EEPD1: variants seen among roughly 807,000 people sequenced by gnomAD.
The protein encoded by EEPD1 is endonuclease/exonuclease/phosphatase family domain containing 1.
EEPD1 carries 17 observed loss-of-function variants against 46.3 expected under a neutral mutation model. The observed-to-expected ratio is 0.37, with a 90% confidence interval of 0.25 to 0.55. EEPD1 has a LOEUF of 0.55. Among genes scored for constraint, EEPD1 ranks in the 20% least tolerant of loss-of-function variants. EEPD1 has a pLI of 0.83. For synonymous variants in EEPD1, 313 were observed against 315.6 expected, an observed-to-expected ratio of 0.99 and a Z score of 0.09; for missense variants, 673 against 745.6, an observed-to-expected ratio of 0.90 and a Z score of 1.13.
chr7:36,295,729 T>A, intron 6 of EEPD1, among the ~76,000 whole-genome samples: 1 of 152,164 alleles, frequency 6.6e-6, no homozygotes, highest in East Asian at 1.9e-4. Context: ...GGACTCTCTA[T>A]AGTTCTAAGA....
At chr7:36,240,169 T>C (rs1215326031) in intron 3 of EEPD1, among the ~76,000 whole-genome samples, 1 of 152,090 alleles carries the variant, frequency 6.6e-6, no homozygotes, top group Non-Finnish European at 1.5e-5. Flanking sequence ...CGCAGGAGGC[T>C]GAGGCAGGAG....
intron 2 of EEPD1, among the ~76,000 whole-genome samples, chr7:36,192,515 A>T (rs977075499): frequency 3.6e-3 from 3 of 838 alleles, no homozygotes; most frequent in African/African-American, 3.9e-3. Flanking sequence ...CTCTTTCTTT[A>T]AAAAAAAAAA....
intron 6 of EEPD1, among the ~76,000 whole-genome samples, chr7:36,295,774 T>A (rs1366433815): frequency 6.6e-6 from 1 of 152,130 alleles, no homozygotes; most frequent in Non-Finnish European, 1.5e-5. Context: ...CTCACGCCTA[T>A]AATCCCAGCA....
At chr7:36,279,004 C>T (rs1227111139) in intron 3 of EEPD1, among the ~76,000 whole-genome samples, 1 of 152,220 alleles carries the variant, frequency 6.6e-6, no homozygotes, top group Non-Finnish European at 1.5e-5. Flanking sequence ...AACTCAGCAG[C>T]AGAGAACATA....
At chr7:36,165,850 C>A (rs905664602) in intron 2 of EEPD1, among the ~76,000 whole-genome samples, 2 of 152,016 alleles carry the variant, frequency 1.3e-5, no homozygotes, top group Non-Finnish European at 2.9e-5. Context: ...GATACATTGT[C>A]CAATTTCCCC....
At chr7:36,238,855 C>T in intron 2 of EEPD1, 130 bp from the exon 3 acceptor site, 1 of 792,756 alleles carries the variant, frequency 1.3e-6, no homozygotes, top group South Asian at 2.0e-5. Context: ...TAAAAGGTCA[C>T]CTTAAGATGG....
chr7:36,195,269 A>G (rs113505510), intron 2 of EEPD1, among the ~76,000 whole-genome samples: 110 of 152,342 alleles, frequency 7.2e-4, no homozygotes, highest in African/African-American at 2.6e-3. Context: ...CATGGGAGAC[A>G]TGAGGCGACT....
At chr7:36,222,296 A>G (rs1303682537) in intron 2 of EEPD1, among the ~76,000 whole-genome samples, 1 of 152,254 alleles carries the variant, frequency 6.6e-6, no homozygotes, top group Non-Finnish European at 1.5e-5. Context: ...ATCATAAGGA[A>G]GAGAACATAT....
At chr7:36,184,545 C>A (rs1362524241) in intron 2 of EEPD1, among the ~76,000 whole-genome samples, 1 of 152,142 alleles carries the variant, frequency 6.6e-6, no homozygotes, top group Non-Finnish European at 1.5e-5. Context: ...TCTGGAGCAA[C>A]CAATCTCCAT....
At chr7:36,187,000 A>G (rs1484961521) in intron 2 of EEPD1, among the ~76,000 whole-genome samples, 1 of 152,246 alleles carries the variant, frequency 6.6e-6, no homozygotes, top group Non-Finnish European at 1.5e-5. Context: ...CAAAGCCAGC[A>G]GAATTCTGTA....
chr7:36,218,924 G>T (rs1252734846), intron 2 of EEPD1, among the ~76,000 whole-genome samples: 1 of 152,138 alleles, frequency 6.6e-6, no homozygotes, highest in African/African-American at 2.4e-5. Flanking sequence ...GTTAATAAAA[G>T]CTTAAGGCTG....
In EEPD1 at chr7:36,193,144, G is replaced by C. The variant is rs1785488187; in HGVS notation, c.878+37942G>C. 6.6e-6 allele frequency among the ~76,000 whole-genome samples: 1 copy of C among 152,214 alleles called. No individual in the cohort carries two copies. Among genetic ancestry groups the C allele is most frequent in the South Asian group, 2.1e-4 (1 of 4,832 alleles). On this transcript the variant is annotated intron_variant, in intron 2 of 7. Transcript: ENST00000242108. The surrounding 1 kb of genome is among the most constrained non-coding windows in gnomAD (Gnocchi z 4.9). ...CACAGAGCAGTGCGTCATGATGGGG[G>C]CACAGGATTCCGTGGACATTGGCAG...
intron 2 of EEPD1, among the ~76,000 whole-genome samples, chr7:36,235,626 G>T (rs1359014447): frequency 6.6e-6 from 1 of 152,244 alleles, no homozygotes; most frequent in African/African-American, 2.4e-5. Flanking sequence ...TGGATCCTTG[G>T]TCACCTGCAC....
At chr7:36,238,220 G>A (rs1486265404) in intron 2 of EEPD1, among the ~76,000 whole-genome samples, 1 of 152,082 alleles carries the variant, frequency 6.6e-6, no homozygotes, top group African/African-American at 2.4e-5. Flanking sequence ...CACTTTTGTG[G>A]CCATCTTGGT....
chr7:36,246,678 C>T (rs1308130319), intron 3 of EEPD1, among the ~76,000 whole-genome samples: 1 of 152,144 alleles, frequency 6.6e-6, no homozygotes. Context: ...GTCAGTCCTC[C>T]CTGCTGATAG....
intron 2 of EEPD1, among the ~76,000 whole-genome samples, chr7:36,232,057 G>A (rs1342056979): frequency 2.0e-5 from 3 of 152,128 alleles, no homozygotes; most frequent in Non-Finnish European, 4.4e-5. Flanking sequence ...AGCTCTAGCA[G>A]TAGCTTCTTA....
intron 3 of EEPD1, among the ~76,000 whole-genome samples, chr7:36,272,149 C>G (rs1016748446): frequency 6.6e-6 from 1 of 151,710 alleles, no homozygotes; most frequent in African/African-American, 2.4e-5. Context: ...TCCCGAAGTG[C>G]TAGGATTACA....
chr7:36,248,994 A>ACAC (rs1786687369), intron 3 of EEPD1, among the ~76,000 whole-genome samples: 1 of 135,350 alleles, frequency 7.4e-6, no homozygotes, highest in African/African-American at 2.8e-5. Flanking sequence ...TGGTTCATTA[A>ACAC]ACACACACAC....
chr7:36,230,228 C>G (rs559841540), intron 2 of EEPD1, among the ~76,000 whole-genome samples: 3 of 152,052 alleles, frequency 2.0e-5, no homozygotes, highest in Admixed American at 6.5e-5. Context: ...TACCTGGACC[C>G]GTCCTGGGTC....
Sources: gnomAD v4.1 joint callset for allele counts (sites outside exome capture counted in the v4.1 genomes callset) on GRCh38, gnomAD v4.1.1 for gene constraint, Gnocchi (gnomAD v3.1) non-coding constraint, MANE v1.5 for transcripts, NCBI Gene and HGNC (gene_info 2026-07-23, HGNC 2026-07-21) for gene names.